The following ZBTB4 variants were observed in gnomAD, a reference collection of about 807,000 sequenced individuals.
ZBTB4 encodes the protein zinc finger and BTB domain containing 4, also known as zinc finger and BTB domain-containing protein 4.
In ZBTB4, 14 loss-of-function variants were observed where a neutral mutation model predicts 59.8. The observed-to-expected ratio is 0.23, with a 90% CI of 0.15 to 0.37. The LOEUF (loss-of-function observed/expected upper bound fraction) is 0.37, where lower values mean the gene tolerates loss of function less well. Among genes scored for constraint, ZBTB4 ranks in the 10% least tolerant of loss-of-function variants. The pLI is 1.00. For missense variants in ZBTB4, 1,198 were observed against 1,380.8 expected (o/e 0.87, Z 2.10); for synonymous variants, 587 against 575.2 (o/e 1.02, Z -0.29).
rs1207038230 is a variant in ZBTB4 at position 7,466,582 on chromosome 17, C to T, written c.220G>A (p.Ala74Thr). The T allele has an allele frequency of 1.1e-5, 18 of 1,612,610 alleles. No individual in the cohort carries two copies. Among genetic ancestry groups the T allele is most frequent in the South Asian group, 4.4e-5 (4 of 90,848 alleles). The change falls in exon 3 of 4, where the codon GCC (alanine) becomes ACC (threonine). Residue 74 changes from alanine (A) to threonine (T), a missense_variant. Ala to Thr is a moderately conservative substitution (Grantham distance 58, BLOSUM62 0). Coordinates refer to ENST00000380599, the MANE Select transcript of ZBTB4 (RefSeq NM_001128833.2). This position sits in a 1 kb window ranked among gnomAD's most constrained non-coding sequence, Gnocchi z 9.1. ...PLPLPPATGG[A>T]APNPATTTAA... ...GTGGTGGTGGCAGGGTTGGGTGCGG[C>T]GCCCCCAGTAGCTGGTGGAAGGGGT...
chr17:7,482,150 C>T (rs1165561253), upstream of ZBTB4: 2 of 1,613,980 alleles, frequency 1.2e-6, no homozygotes, highest in African/African-American at 1.3e-5. Context: ...CTTCGTGGGC[C>T]CCCTTTCTCA....
At chr17:7,482,552 G>A (rs11658286), upstream of ZBTB4, 16,868 of 1,612,612 alleles carry the variant, frequency 0.01, 108 homozygotes, top group Non-Finnish European at 0.012. Context: ...TGTCTACACC[G>A]CCCTGGGCTA....
chr17:7,470,067 C>T (rs919800299), intron 1 of ZBTB4, among the ~76,000 whole-genome samples: 14 of 151,284 alleles, frequency 9.3e-5, no homozygotes, highest in African/African-American at 9.7e-5. Context: ...GGTGACAGAA[C>T]GAGACTCTGT....
intron 1 of ZBTB4, among the ~76,000 whole-genome samples, chr17:7,475,214 G>A (rs983606759): frequency 3.3e-5 from 5 of 151,126 alleles, no homozygotes; most frequent in African/African-American, 7.3e-5. Flanking sequence ...AGTGGCGGGC[G>A]CCTGTAACCC....
rs2070114462 is a variant in ZBTB4, at chr17:7,465,931, C to T, written c.871G>A (p.Gly291Ser). Reference sequence around the variant, plus strand: ...ACGTGCTCGGGGCCCCCTCGGAAGCCCACTGGTGGAGGCAGGGCTGAGGCG... The same window carrying T: ...ACGTGCTCGGGGCCCCCTCGGAAGCTCACTGGTGGAGGCAGGGCTGAGGCG... ...VDASALPPPV[G>S]FRGGPEHVVK... is the part of the protein sequence containing the mutation. The change falls in exon 3 of 4, where the codon GGC (glycine) becomes AGC (serine). Residue 291 changes from glycine to serine, a missense_variant. By Grantham distance (56) the Gly-to-Ser change is moderately conservative. Around this residue, in one of 9 missense-constraint regions of ZBTB4, gnomAD observed 204 missense variants for 205.5 expected, o/e 0.99. Coordinates refer to ENST00000380599, the MANE Select transcript of ZBTB4 (RefSeq NM_001128833.2). 1.2e-6 allele frequency: 2 copies of T among 1,609,332 alleles called. No individual in the cohort carries two copies. The highest frequency in any genetic ancestry group is 1.7e-4 in the Middle Eastern group (1 of 6,036).
intron 1 of ZBTB4, among the ~76,000 whole-genome samples, chr17:7,478,605 G>A (rs1246353108): frequency 6.6e-6 from 1 of 152,162 alleles, no homozygotes; most frequent in African/African-American, 2.4e-5. Context: ...TGCCAGCTCT[G>A]CAGAAAACAG....
chr17:7,463,163 G>C lies in ZBTB4; in HGVS notation c.1819C>G (p.Arg607Gly). 6.2e-7 allele frequency: 1 copy of C among 1,607,000 alleles called. No homozygotes were observed. The highest frequency in any genetic ancestry group is 8.5e-7 in the Non-Finnish European group (1 of 1,178,672). The change falls in exon 4 of 4, where the codon CGA (arginine) becomes GGA (glycine). Residue 607 changes from arginine to glycine, a missense_variant. Around this residue, in one of 9 missense-constraint regions of ZBTB4, gnomAD observed 550 missense variants for 541.8 expected, o/e 1.02. Transcript: ENST00000380599. ...APPPLCQITV[R>G]IGEEAIVKRR... ...TTGACGATGGCCTCCTCCCCTATTC[G>C]CACAGTGATCTGACACAGTGGAGGT... is the stretch of plus-strand genomic sequence containing the variant.
rs753184022 is a variant in ZBTB4, at chr17:7,466,756, C to T, written c.46G>A (p.Val16Ile). 1.0e-5 allele frequency: 16 copies of T among 1,589,000 alleles called. No individual in the cohort carries two copies. Among genetic ancestry groups the T allele is most frequent in the South Asian group, 4.6e-5 (4 of 87,694 alleles). Residue 16 changes from valine (V) to isoleucine (I), a missense_variant, in exon 3 of 4, where the codon GTC becomes ATC. By Grantham distance (29) the Val-to-Ile change is conservative. Around this residue, in one of 9 missense-constraint regions of ZBTB4, gnomAD observed 44 missense variants for 86.2 expected, o/e 0.51. Transcript: ENST00000380599. This position sits in a 1 kb window ranked among gnomAD's most constrained non-coding sequence, Gnocchi z 9.1. ...EVTDPSHAPA[V>I]LRQLNEQRLR... ...CGCTGTTCATTGAGCTGGCGCAGGA[C>T]GGCGGGGGCATGGGACGGGTCCGTC...
At chr17:7,470,873 G>A (rs1217416143) in intron 1 of ZBTB4, among the ~76,000 whole-genome samples, 1 of 152,086 alleles carries the variant, frequency 6.6e-6, no homozygotes, top group East Asian at 1.9e-4. Context: ...GCACCCACTA[G>A]GGCACAAATA....
At chr17:7,464,431 G>GAAAAAA (rs55956412) in intron 3 of ZBTB4, among the ~76,000 whole-genome samples, 1 of 96,178 alleles carries the variant, frequency 1.0e-5, no homozygotes, top group African/African-American at 4.1e-5. Flanking sequence ...GTCAAAAAAA[G>GAAAAAA]AAAAAAAAAA....
At position 7,464,707 on chromosome 17, in the gene ZBTB4, G is replaced by A. The variant is rs536104781; in HGVS notation, c.1092-817C>T. ...ACAAAAATTAGCTGGGCGTGGTGGCGCGCACCTGTAATCCCAGATACTCGG... is the reference window on the plus strand; with the variant it reads ...ACAAAAATTAGCTGGGCGTGGTGGCACGCACCTGTAATCCCAGATACTCGG... On this transcript the variant is annotated intron_variant, in intron 3 of 3. Transcript: ENST00000380599. Among the ~76,000 whole-genome samples, 35 of 151,558 alleles carry A rather than the reference G, an allele frequency of 2.3e-4. No homozygotes were observed. The East Asian group carries it at 5.3e-3, about 23-fold the overall frequency.
chr17:7,464,285 C>T (rs906780949), intron 3 of ZBTB4, among the ~76,000 whole-genome samples: 1 of 152,146 alleles, frequency 6.6e-6, no homozygotes, highest in Non-Finnish European at 1.5e-5. Context: ...TCCTTCTAGG[C>T]CTTCCCCACA....
At chr17:7,473,206 G>A (rs1212641310) in intron 1 of ZBTB4, among the ~76,000 whole-genome samples, 2 of 149,492 alleles carry the variant, frequency 1.3e-5, no homozygotes. Context: ...TCCGCCTCCC[G>A]GGTTCACGCC....
Position 7,466,938 on chromosome 17 carries a change from G to A in ZBTB4, c.-9-128C>T. ...ACTAGTGGAAGGCTGAATCACTTCT[G>A]GTCACAGAAGTCAGGGGTTGGCCCT... On this transcript the variant is annotated intron_variant, in intron 2 of 3. Coordinates refer to ENST00000380599, the MANE Select transcript of ZBTB4 (RefSeq NM_001128833.2). This position sits in a 1 kb window ranked among gnomAD's most constrained non-coding sequence, Gnocchi z 9.1. 1 of 1,416,434 alleles carries A rather than the reference G, an allele frequency of 7.1e-7. No homozygotes were observed. The highest frequency in any genetic ancestry group is 1.5e-5 in the South Asian group (1 of 65,328). 87.7% of individuals were successfully genotyped at this position (1,416,434 alleles called of 1,614,324 possible). A position where few individuals can be genotyped will look rare whatever the true frequency, so the allele number is the denominator to read the frequency against.
intron 1 of ZBTB4, among the ~76,000 whole-genome samples, chr17:7,476,079 C>T (rs2070265367): frequency 6.6e-6 from 1 of 152,206 alleles, no homozygotes; most frequent in East Asian, 1.9e-4. Flanking sequence ...CCTTCGATAG[C>T]TCAGGTCCTT....
At position 7,462,844 on chromosome 17, in the gene ZBTB4, G is replaced by T; in HGVS notation, c.2138C>A (p.Ala713Asp). The T allele has an allele frequency of 1.2e-6, 2 of 1,603,802 alleles. No homozygotes were observed. Residue 713 changes from alanine to aspartate, a missense_variant, in exon 4 of 4, where the codon GCC becomes GAC. By Grantham distance (126) the Ala-to-Asp change is moderately radical. Around this residue, in one of 9 missense-constraint regions of ZBTB4, gnomAD observed 550 missense variants for 541.8 expected, o/e 1.02. Transcript: ENST00000380599. This position sits in a 1 kb window ranked among gnomAD's most constrained non-coding sequence, Gnocchi z 7.5. ...GCGGGCACGTCCCGCTGGGCTCTCG[G>T]CCGCTGGGGTTTCCTCCCAGCTCCT... is the stretch of plus-strand genomic sequence containing the variant. The part of the protein sequence containing the change: ...ERRSWEETPA[A>D]ESPAGRARTE...
At chr17:7,473,855 T>C (rs2070233116) in intron 1 of ZBTB4, among the ~76,000 whole-genome samples, 1 of 152,118 alleles carries the variant, frequency 6.6e-6, no homozygotes, top group Admixed American at 6.6e-5. Context: ...CAGCTCCTAT[T>C]TCTTATTTAT....
At chr17:7,473,558 T>G (rs1483499829) in intron 1 of ZBTB4, among the ~76,000 whole-genome samples, 1 of 151,950 alleles carries the variant, frequency 6.6e-6, no homozygotes, top group East Asian at 1.9e-4. Flanking sequence ...ATTATTTATC[T>G]TTTTTTGAGA....
At chr17:7,482,318 G>A (rs757753838), upstream of ZBTB4, 16 of 1,613,886 alleles carry the variant, frequency 9.9e-6, no homozygotes, top group East Asian at 1.8e-4. Context: ...CCTGCTCAAC[G>A]TCCTCAGCAT....
Sources: gnomAD v4.1 joint callset for allele counts (sites outside exome capture counted in the v4.1 genomes callset) on GRCh38, gnomAD v4.1.1 for gene constraint, gnomAD v4.1.1 regional missense constraint, Gnocchi (gnomAD v3.1) non-coding constraint, MANE v1.5 for transcripts, NCBI Gene and HGNC (gene_info 2026-07-23, HGNC 2026-07-21) for gene names.